The following KCNK10 variants were observed in gnomAD, a reference collection of about 807,000 sequenced individuals.
KCNK10 encodes potassium two pore domain channel subfamily K member 10, also known as potassium channel subfamily K member 10.
KCNK10 carries 25 observed loss-of-function variants against 47.7 expected under a neutral mutation model. The ratio of observed to expected loss-of-function variants is 0.52; its 90% CI spans 0.38 to 0.73. KCNK10 has a LOEUF of 0.73. KCNK10 is among the 30% of genes least tolerant of loss of function. KCNK10 has a pLI of 0.00. For synonymous variants in KCNK10, 303 were observed against 285.6 expected, an observed-to-expected ratio of 1.06 and a Z score of -0.61; for missense variants, 563 against 714.5, an observed-to-expected ratio of 0.79 and a Z score of 2.42.
intron 1 of KCNK10, among the ~76,000 whole-genome samples, chr14:88,314,837 T>G (rs1306752756): frequency 2.6e-5 from 4 of 152,218 alleles, no homozygotes; most frequent in African/African-American, 9.6e-5. Flanking sequence ...CTTTATGTAA[T>G]CCACATAACA....
intron 2 of KCNK10, among the ~76,000 whole-genome samples, chr14:88,252,145 G>T (rs1327214797): frequency 3.3e-5 from 5 of 151,916 alleles, no homozygotes; most frequent in Admixed American, 2.0e-4. Context: ...AAACTCCTGA[G>T]CTCAAGTGAT....
chr14:88,229,451 T>G (rs1441319247), intron 3 of KCNK10, among the ~76,000 whole-genome samples: 1 of 151,100 alleles, frequency 6.6e-6, no homozygotes, highest in African/African-American at 2.5e-5. Context: ...ATCAATGGAC[T>G]GTAAAGTACT....
At chr14:88,228,322 A>ATCT (rs34163693) in intron 3 of KCNK10, among the ~76,000 whole-genome samples, 43,751 of 151,942 alleles carry the variant, frequency 0.29, 6,919 homozygotes, top group East Asian at 0.47. Context: ...AAATACCCGC[A>ATCT]GCAATCTTAA....
intron 4 of KCNK10, among the ~76,000 whole-genome samples, chr14:88,206,254 A>C (rs972513539): frequency 1.3e-5 from 2 of 152,174 alleles, no homozygotes; most frequent in African/African-American, 4.8e-5. Flanking sequence ...TAAACTTGTT[A>C]GGGTGTTTGC....
At chr14:88,255,373 C>G (rs28444763) in intron 2 of KCNK10, among the ~76,000 whole-genome samples, 2,420 of 152,096 alleles carry the variant, frequency 0.016, 60 homozygotes, top group African/African-American at 0.056. Context: ...GGATTTATTT[C>G]CTCATCCATA....
intron 1 of KCNK10, among the ~76,000 whole-genome samples, chr14:88,284,781 C>A (rs1386504895): frequency 6.6e-6 from 1 of 152,172 alleles, no homozygotes; most frequent in Non-Finnish European, 1.5e-5. Context: ...CCCTACAACA[C>A]CCTCACAGAC....
At chr14:88,197,610 A>AAAAAAAAAC (rs1884958981) in intron 4 of KCNK10, among the ~76,000 whole-genome samples, 1 of 142,944 alleles carries the variant, frequency 7.0e-6, no homozygotes, top group African/African-American at 2.6e-5. Flanking sequence ...AAAAAAAAAA[A>AAAAAAAAAC]AATCAACTGT....
chr14:88,293,704 T>C (rs8022224), intron 1 of KCNK10, among the ~76,000 whole-genome samples: 42,461 of 151,570 alleles, frequency 0.28, 6,243 homozygotes, highest in African/African-American at 0.37. Flanking sequence ...GGACAGAGTC[T>C]TGCTCTGTTT....
chr14:88,298,918 C>A (rs1888040383), intron 1 of KCNK10, among the ~76,000 whole-genome samples: 1 of 152,182 alleles, frequency 6.6e-6, no homozygotes, highest in Non-Finnish European at 1.5e-5. Flanking sequence ...GTTTCCCTCT[C>A]TGTTGTCATG....
intron 4 of KCNK10, among the ~76,000 whole-genome samples, chr14:88,205,454 A>G (rs74445034): frequency 6.6e-6 from 1 of 151,158 alleles, no homozygotes; most frequent in African/African-American, 2.4e-5. Flanking sequence ...CTGTCCATCC[A>G]TCCATGTGTC....
At chr14:88,326,439 G>A (rs753709320), upstream of KCNK10, 3 of 1,613,462 alleles carry the variant, frequency 1.9e-6, no homozygotes, top group African/African-American at 4.0e-5. Context: ...AAAGAAGTCT[G>A]TGTAGAGAAA....
intron 4 of KCNK10, among the ~76,000 whole-genome samples, chr14:88,208,832 G>A (rs1018562173): frequency 1.3e-5 from 2 of 152,162 alleles, no homozygotes; most frequent in Non-Finnish European, 2.9e-5. Flanking sequence ...CCTGACAACT[G>A]AGACGAGATG....
At chr14:88,292,260 C>G (rs1333631303) in intron 1 of KCNK10, among the ~76,000 whole-genome samples, 1 of 152,192 alleles carries the variant, frequency 6.6e-6, no homozygotes, top group Non-Finnish European at 1.5e-5. Context: ...AGCCACGGCC[C>G]CCGCCTTCCC....
At chr14:88,248,106 T>C (rs938585781) in intron 2 of KCNK10, among the ~76,000 whole-genome samples, 3 of 152,214 alleles carry the variant, frequency 2.0e-5, no homozygotes, top group African/African-American at 7.2e-5. Context: ...AAAATTGCCC[T>C]GGTCCTGAGG....
At chr14:88,312,561 T>C (rs1888348417) in intron 1 of KCNK10, among the ~76,000 whole-genome samples, 1 of 152,214 alleles carries the variant, frequency 6.6e-6, no homozygotes, top group East Asian at 1.9e-4. Context: ...CCATCCTGTT[T>C]TTTCTGGCTT....
At chr14:88,292,658 G>A (rs1489752309) in intron 1 of KCNK10, among the ~76,000 whole-genome samples, 2 of 148,400 alleles carry the variant, frequency 1.3e-5, no homozygotes, top group African/African-American at 2.5e-5. Context: ...TTTTGGACAG[G>A]GACTGGCTCT....
At chr14:88,297,839 C>A (rs1267489114) in intron 1 of KCNK10, among the ~76,000 whole-genome samples, 1 of 152,198 alleles carries the variant, frequency 6.6e-6, no homozygotes, top group Non-Finnish European at 1.5e-5. Flanking sequence ...GATGAAAGAA[C>A]TATGCATGAA....
At chr14:88,230,288 C>A (rs551263034) in intron 3 of KCNK10, among the ~76,000 whole-genome samples, 1 of 152,258 alleles carries the variant, frequency 6.6e-6, no homozygotes, top group African/African-American at 2.4e-5. Context: ...CTTCACTGTT[C>A]TCCCATAGCA....
At chr14:88,300,911 T>A (rs1387968167) in intron 1 of KCNK10, among the ~76,000 whole-genome samples, 1 of 152,196 alleles carries the variant, frequency 6.6e-6, no homozygotes, top group Non-Finnish European at 1.5e-5. Context: ...CTTTTCTCAA[T>A]CTGTTAAGGG....
Sources: gnomAD v4.1 joint callset for allele counts (sites outside exome capture counted in the v4.1 genomes callset) on GRCh38, gnomAD v4.1.1 for gene constraint, MANE v1.5 for transcripts, NCBI Gene and HGNC (gene_info 2026-07-23, HGNC 2026-07-21) for gene names.